Variants in DDX59 observed in about 807,000 individuals in gnomAD.
The protein encoded by DDX59 is probable ATP-dependent RNA helicase DDX59.
DDX59 carries 30 observed loss-of-function variants against 51.9 expected under a neutral mutation model. The observed-to-expected ratio is 0.58, with a 90% CI of 0.43 to 0.78. DDX59 has a LOEUF of 0.78. Among genes scored for constraint, DDX59 ranks in the 30% least tolerant of loss-of-function variants. DDX59 has a pLI of 0.00. For missense variants in DDX59, 672 were observed against 730.8 expected (o/e 0.92, Z 0.93); for synonymous variants, 255 against 253.3 (o/e 1.01, Z -0.06).
At chr1:200,644,895 CAAAAAAAAAAAAAA>C (rs60033922) in intron 7 of DDX59, among the ~76,000 whole-genome samples, 129 of 80,988 alleles carry the variant, frequency 1.6e-3, no homozygotes, top group Admixed American at 3.3e-3. Flanking sequence ...GACTCCATCT[CAAAAAAAAAAAAAA>C]AAAAAAAAGG....
intron 5 of DDX59, among the ~76,000 whole-genome samples, chr1:200,649,936 A>G (rs1309966052): frequency 6.7e-6 from 1 of 149,180 alleles, no homozygotes; most frequent in Non-Finnish European, 1.5e-5. Context: ...CCTGCCTCCC[A>G]GATTCACACC....
intron 7 of DDX59, among the ~76,000 whole-genome samples, chr1:200,647,135 T>C (rs903458935): frequency 2.0e-5 from 3 of 152,256 alleles, no homozygotes; most frequent in Middle Eastern, 3.4e-3. Flanking sequence ...TTCCAGTAAA[T>C]GTGGCATTCA....
At chr1:200,642,558 C>A (rs1661078876), downstream of DDX59, among the ~76,000 whole-genome samples, 1 of 152,046 alleles carries the variant, frequency 6.6e-6, no homozygotes, top group Non-Finnish European at 1.5e-5. Flanking sequence ...GCACCCCAGA[C>A]AACAGAAGAG....
At chr1:200,647,217 A>G (rs879457218) in intron 7 of DDX59, among the ~76,000 whole-genome samples, 1 of 152,224 alleles carries the variant, frequency 6.6e-6, no homozygotes, top group Admixed American at 6.5e-5. Flanking sequence ...GAGGGAAGAC[A>G]GGTAGCAGTC....
chr1:200,655,275 C>T (rs1661945835), intron 4 of DDX59, among the ~76,000 whole-genome samples: 1 of 152,178 alleles, frequency 6.6e-6, no homozygotes, highest in Non-Finnish European at 1.5e-5. Context: ...CTTCCTCTCT[C>T]ATCCTCAGGC....
chr1:200,663,867 C>T, intron 3 of DDX59, 52 bp downstream of exon 3: 1 of 1,440,894 alleles, frequency 6.9e-7, no homozygotes, highest in Non-Finnish European at 9.2e-7. Flanking sequence ...AACACTAGTT[C>T]CTGTATTGCT....
intron 7 of DDX59, among the ~76,000 whole-genome samples, chr1:200,645,587 T>C (rs1661246774): frequency 6.6e-6 from 1 of 152,162 alleles, no homozygotes; most frequent in Non-Finnish European, 1.5e-5. Flanking sequence ...TTGAGAGAAT[T>C]AAATGGACAC....
chr1:200,664,176 GC>G, intron 2 of DDX59, 90 bp from the exon 3 acceptor site: 2 of 1,431,644 alleles, frequency 1.4e-6, no homozygotes, highest in Non-Finnish European at 1.9e-6. Context: ...CAGGAACATG[GC>G]CCCTTTAAAG....
At chr1:200,666,818 T>C (rs911722145) in intron 1 of DDX59, 67 bp from the exon 2 acceptor site, 35 of 1,498,576 alleles carry the variant, frequency 2.3e-5, no homozygotes, top group Non-Finnish European at 2.9e-5. Context: ...AAGTACCATA[T>C]GATTAAGGAC....
chr1:200,667,293 C>T (rs538624616), intron 1 of DDX59, among the ~76,000 whole-genome samples: 4 of 152,198 alleles, frequency 2.6e-5, no homozygotes, highest in African/African-American at 9.6e-5. Flanking sequence ...CCCAGCTACT[C>T]GGGAGGCTGA....
At chr1:200,663,667 T>C (rs984574779) in intron 3 of DDX59, among the ~76,000 whole-genome samples, 1 of 152,086 alleles carries the variant, frequency 6.6e-6, no homozygotes, top group African/African-American at 2.4e-5. Context: ...GTAAATGTGA[T>C]GCTTAAATGA....
chr1:200,648,995 A>G (rs1303767535), intron 6 of DDX59, 79 bp downstream of exon 6: 7 of 1,371,614 alleles, frequency 5.1e-6, no homozygotes, highest in South Asian at 5.0e-5. Context: ...TATAAAAACC[A>G]GCTGTAATAT....
intron 4 of DDX59, among the ~76,000 whole-genome samples, chr1:200,651,245 T>C (rs1363554472): frequency 6.6e-6 from 1 of 152,106 alleles, no homozygotes; most frequent in Non-Finnish European, 1.5e-5. Flanking sequence ...TATAATAAAA[T>C]ATTATTTTAA....
chr1:200,665,514 T>G (rs1183187935), intron 2 of DDX59, among the ~76,000 whole-genome samples: 2 of 150,392 alleles, frequency 1.3e-5, no homozygotes, highest in South Asian at 2.1e-4. Flanking sequence ...AAAAAAAAAG[T>G]ATATTTTGAA....
At chr1:200,642,138 A>G (rs930211642), downstream of DDX59, among the ~76,000 whole-genome samples, 3 of 152,240 alleles carry the variant, frequency 2.0e-5, no homozygotes, top group African/African-American at 7.2e-5. Flanking sequence ...GGTGTTTGCC[A>G]TATAAAAGAT....
chr1:200,666,305 A>C lies in DDX59; in HGVS notation c.436T>G (p.Ser146Ala). The stretch of plus-strand genomic sequence containing the variant: ...GCCTTCTGTGGATTGCTGAGTTTTG[A>C]TTTCTCTTCCTTTTCCTTAACTTGT... Reference protein sequence around the residue: ...LLQVKEKEEKSKLSNPQKADS... With the variant: ...LLQVKEKEEKAKLSNPQKADS... Residue 146 changes from serine to alanine, a missense_variant, in exon 2 of 8, where the codon TCA becomes GCA. Ser to Ala is a moderately conservative substitution (Grantham distance 99). Coordinates refer to ENST00000331314, the MANE Select transcript of DDX59 (RefSeq NM_001031725.6). The C allele has an allele frequency of 5.6e-6, 9 of 1,614,062 alleles. No individual in the cohort carries two copies. Among genetic ancestry groups the C allele is most frequent in the Non-Finnish European group, 6.8e-6 (8 of 1,180,016 alleles).
intron 4 of DDX59, among the ~76,000 whole-genome samples, chr1:200,654,095 T>C (rs1211118696): frequency 6.6e-6 from 1 of 152,188 alleles, no homozygotes. Context: ...CTAGTCAGTG[T>C]GGCCCAAACC....
Position 200,648,458 on chromosome 1 carries a change from A to G in DDX59, c.1577T>C (p.Met526Thr). 1 of 1,614,178 alleles carries G rather than the reference A, an allele frequency of 6.2e-7. No individual in the cohort carries two copies. The highest frequency in any genetic ancestry group is 8.5e-7 in the Non-Finnish European group (1 of 1,180,008). The change falls in exon 7 of 8, where the codon ATG becomes ACG. Residue 526 changes from methionine (M) to threonine (T), a missense_variant. By Grantham distance (81) the Met-to-Thr change is moderately conservative (BLOSUM62 -1). Transcript: ENST00000331314. ...LVVNFDMPSS[M>T]DEYVHQIGRV... is the part of the protein sequence containing the mutation. Reference sequence around the variant, plus strand: ...CCTTACCTGATGGACATACTCATCCATACTTGAAGGCATATCAAAATTGAC... The same window carrying G: ...CCTTACCTGATGGACATACTCATCCGTACTTGAAGGCATATCAAAATTGAC...
At chr1:200,641,771 G>A (rs998567452), downstream of DDX59, among the ~76,000 whole-genome samples, 2 of 152,026 alleles carry the variant, frequency 1.3e-5, no homozygotes, top group African/African-American at 2.4e-5. Context: ...TTGGGAGGTC[G>A]AGGTGGGTGG....
Sources: allele counts gnomAD v4.1 joint callset (sites outside exome capture counted in the v4.1 genomes callset), GRCh38; gene constraint gnomAD v4.1.1; transcripts MANE v1.5; gene names NCBI Gene and HGNC (gene_info 2026-07-23, HGNC 2026-07-21).